Variants in MREG observed in about 807,000 individuals in gnomAD.
MREG encodes the protein melanoregulin.
Under a neutral mutation model 28.5 loss-of-function variants are expected in MREG, and 31 were observed. That is an observed-to-expected ratio of 1.09 (90% confidence interval 0.82 to 1.47). MREG has a LOEUF of 1.47. Among genes scored for constraint, MREG ranks in the 40% most tolerant of loss-of-function variants. The pLI is 0.00. For missense variants in MREG, 256 were observed against 257.4 expected (o/e 0.99, Z 0.04); for synonymous variants, 106 against 95.2 (o/e 1.11, Z -0.66).
chr2:215,975,008 T>TTATATATATATATATATATATCTATATA (rs58937716), intron 2 of MREG, among the ~76,000 whole-genome samples: 1 of 106,608 alleles, frequency 9.4e-6, no homozygotes, highest in Non-Finnish European at 1.9e-5. Context: ...TTTATATGAA[T>TTATATATATATATATATATATCTATATA]TATATATATA....
chr2:216,013,444 G>A lies in MREG; in HGVS notation c.-117C>T, dbSNP rs1239993053. On this transcript the variant is annotated 5_prime_UTR_variant, in exon 1 of 5. Transcript: ENST00000263268. The stretch of plus-strand genomic sequence containing the variant: ...CCAGGTGCGGGGACAGCGGCAGCCC[G>A]GGCGTCGCGGGCTGGTCCGCGCGCA... The A allele has an allele frequency of 1.1e-5, 6 of 543,512 alleles. No individual in the cohort carries two copies. The highest frequency in any genetic ancestry group is 8.3e-5 in the South Asian group (1 of 12,002). 33.7% of individuals were successfully genotyped at this position (543,512 alleles called of 1,614,324 possible).
rs1323604206 is a variant in MREG at position 215,947,027 on chromosome 2, A to G, written c.342T>C (p.Asp114=). The G allele has an allele frequency of 2.5e-6, 4 of 1,585,982 alleles. No individual in the cohort carries two copies. Among genetic ancestry groups the G allele is most frequent in the Admixed American group, 3.3e-5 (2 of 59,856 alleles). ...VRNRWKCILE[D]LGFQKEADSL... ...CACAATCTCTTTTAGACTTACCTAA[A>G]TCTTCTAAGATGCACTTCCATCTGT... Residue 114 remains aspartate (D), a synonymous_variant, in exon 3 of 5, where the codon GAT becomes GAC. Transcript: ENST00000263268.
chr2:215,993,869 T>C (rs80047555), intron 2 of MREG, among the ~76,000 whole-genome samples: 44,015 of 152,044 alleles, frequency 0.29, 6,962 homozygotes, highest in East Asian at 0.38. Context: ...TGAGATACCA[T>C]CTCATGCCAG....
At chr2:215,960,445 T>C (rs1004317936) in intron 2 of MREG, among the ~76,000 whole-genome samples, 10 of 152,186 alleles carry the variant, frequency 6.6e-5, no homozygotes. Flanking sequence ...TGTGCTCGAG[T>C]GCCTATTGTG....
At chr2:215,965,446 G>A (rs779868826) in intron 2 of MREG, among the ~76,000 whole-genome samples, 35 of 152,266 alleles carry the variant, frequency 2.3e-4, no homozygotes, top group Non-Finnish European at 4.6e-4. Flanking sequence ...TGTGGGATAG[G>A]GGAGAACATT....
chr2:215,988,322 G>A (rs891129210), intron 2 of MREG, among the ~76,000 whole-genome samples: 4 of 152,204 alleles, frequency 2.6e-5, no homozygotes, highest in East Asian at 1.9e-4. Context: ...GCCAAGGGAA[G>A]CTGTGAGGGA....
At chr2:215,945,035 A>G in intron 4 of MREG, 38 bp from the exon 5 acceptor site, 1 of 1,538,736 alleles carries the variant, frequency 6.5e-7, no homozygotes, top group Non-Finnish European at 8.9e-7. Context: ...ACTGCTGGCA[A>G]GATAGGAACC....
intron 2 of MREG, among the ~76,000 whole-genome samples, chr2:215,972,338 G>T (rs1441677242): frequency 6.6e-6 from 1 of 152,156 alleles, no homozygotes; most frequent in Non-Finnish European, 1.5e-5. Flanking sequence ...GGAATAAGAA[G>T]ATAGGATTAA....
Position 216,024,196 on chromosome 2 carries a change from G to A in MREG, c.-68+8593C>T, listed in dbSNP as rs572736035. ...CACTTCAGGTAGGGAATTTAAACTG[G>A]GCCACCCCTCCCTATCACTCACATC... On this transcript the variant is annotated intron_variant, in intron 1 of 3. Transcript: ENST00000420348. Among the ~76,000 whole-genome samples, 329 of 151,870 alleles carry A rather than the reference G, an allele frequency of 2.2e-3. 1 individual carries two copies. The highest frequency in any genetic ancestry group is 3.8e-3 in the Non-Finnish European group (261 of 67,956).
intron 1 of MREG, among the ~76,000 whole-genome samples, chr2:216,005,798 C>G (rs185029375): frequency 6.2e-4 from 87 of 139,842 alleles, no homozygotes; most frequent in Non-Finnish European, 1.2e-3. Flanking sequence ...TGTTTTTTGT[C>G]TGTAATATCA....
intron 1 of MREG, among the ~76,000 whole-genome samples, chr2:216,030,308 G>A (rs773640623): frequency 9.2e-5 from 14 of 152,066 alleles, no homozygotes; most frequent in Admixed American, 2.0e-4. Context: ...GGCAGGGGTC[G>A]GGGCTCTGAA....
At chr2:215,973,317 C>A (rs554766957) in intron 2 of MREG, among the ~76,000 whole-genome samples, 9 of 152,318 alleles carry the variant, frequency 5.9e-5, no homozygotes, top group African/African-American at 2.2e-4. Context: ...CAGTCACTCC[C>A]CATTGAAAGC....
intron 1 of MREG, among the ~76,000 whole-genome samples, chr2:216,025,682 T>C (rs1252198487): frequency 1.3e-5 from 2 of 152,234 alleles, no homozygotes; most frequent in Admixed American, 1.3e-4. Context: ...GGCAGCCCTC[T>C]TCAGCAGAGG....
chr2:215,972,115 T>C (rs1051017061), intron 2 of MREG, among the ~76,000 whole-genome samples: 43 of 152,132 alleles, frequency 2.8e-4, no homozygotes, highest in African/African-American at 9.9e-4. Flanking sequence ...CCGTGTCCTC[T>C]ACCTTCAGGA....
At chr2:216,033,401 A>T (rs1694741609), upstream of MREG, among the ~76,000 whole-genome samples, 1 of 152,182 alleles carries the variant, frequency 6.6e-6, no homozygotes, top group Non-Finnish European at 1.5e-5. Context: ...TAAGTGGTAG[A>T]AGCTGGGATT....
intron 1 of MREG, among the ~76,000 whole-genome samples, chr2:216,002,937 T>C (rs1694056419): frequency 6.6e-6 from 1 of 151,674 alleles, no homozygotes; most frequent in African/African-American, 2.4e-5. Context: ...TCTCTCCTTT[T>C]TCCTTCTCTC....
intron 2 of MREG, among the ~76,000 whole-genome samples, chr2:215,950,324 G>C (rs766985323): frequency 6.6e-6 from 1 of 152,180 alleles, no homozygotes; most frequent in Non-Finnish European, 1.5e-5. Flanking sequence ...CCTTCCTGCT[G>C]TCCATCGATT....
chr2:215,949,083 ACTAC>A (rs1553546620), intron 2 of MREG, among the ~76,000 whole-genome samples: 1,790 of 121,054 alleles, frequency 0.015, 25 homozygotes, highest in Middle Eastern at 0.043. Flanking sequence ...TACTACTACT[ACTAC>A]TAATAATAAT....
At chr2:216,017,412 C>T (rs1332345533), upstream of MREG, among the ~76,000 whole-genome samples, 2 of 152,266 alleles carry the variant, frequency 1.3e-5, no homozygotes, top group South Asian at 4.2e-4. Flanking sequence ...GGAATAAAAA[C>T]GTGACCAAAC....
Sources: gnomAD v4.1 joint callset for allele counts (sites outside exome capture counted in the v4.1 genomes callset) on GRCh38, gnomAD v4.1.1 for gene constraint, MANE v1.5 for transcripts, NCBI Gene and HGNC (gene_info 2026-07-23, HGNC 2026-07-21) for gene names.